Variants in ST8SIA6 observed in about 807,000 individuals in gnomAD.
The protein encoded by ST8SIA6 is ST8 alpha-N-acetyl-neuraminide alpha-2,8-sialyltransferase 6, also known as alpha-2,8-sialyltransferase 8F.
ST8SIA6 carries 39 observed loss-of-function variants against 33.6 expected under a neutral mutation model. The ratio of observed to expected loss-of-function variants is 1.16; its 90% CI spans 0.90 to 1.52. The LOEUF is 1.52. Ranked by LOEUF, ST8SIA6 falls within the 40% of genes most tolerant of loss-of-function variation. The pLI is 0.00. For synonymous variants in ST8SIA6, 172 were observed against 167.2 expected (o/e 1.03, Z -0.22); for missense variants, 441 against 443.8 (o/e 0.99, Z 0.06).
At chr10:17,405,187 T>G (rs953126708) in intron 2 of ST8SIA6, among the ~76,000 whole-genome samples, 16 of 151,938 alleles carry the variant, frequency 1.1e-4, no homozygotes, top group Admixed American at 9.2e-4. Context: ...TGAGCAAAAT[T>G]TCAAGAACTC....
At chr10:17,327,312 C>T (rs935442033) in intron 5 of ST8SIA6, among the ~76,000 whole-genome samples, 186 bp from the exon 6 acceptor site, 4 of 152,124 alleles carry the variant, frequency 2.6e-5, no homozygotes, top group Non-Finnish European at 4.4e-5. Flanking sequence ...TGGGGCTGGG[C>T]GCAGTGGCTC....
At chr10:17,366,514 T>C (rs1343516427) in intron 3 of ST8SIA6, among the ~76,000 whole-genome samples, 4 of 152,090 alleles carry the variant, frequency 2.6e-5, no homozygotes, top group Admixed American at 1.3e-4. Flanking sequence ...ATTAAGTATA[T>C]ACTTAAGATG....
chr10:17,399,028 T>C (rs1850931146), intron 2 of ST8SIA6: 1 of 152,234 alleles, frequency 6.6e-6, no homozygotes, highest in Non-Finnish European at 1.5e-5. Context: ...AATTAACAAA[T>C]TAATATTCTG....
chr10:17,415,711 G>A (rs1332541412), intron 2 of ST8SIA6, among the ~76,000 whole-genome samples: 1 of 151,650 alleles, frequency 6.6e-6, no homozygotes, highest in African/African-American at 2.4e-5. Context: ...CAGACATGCA[G>A]AGTGGAAAGA....
At chr10:17,344,591 G>T (rs1179192959) in intron 4 of ST8SIA6, among the ~76,000 whole-genome samples, 1 of 152,226 alleles carries the variant, frequency 6.6e-6, no homozygotes, top group Non-Finnish European at 1.5e-5. Flanking sequence ...TATAATTCAA[G>T]ATGAGATTTG....
chr10:17,373,021 AC>A (rs1239100193), intron 3 of ST8SIA6, among the ~76,000 whole-genome samples: 1 of 152,220 alleles, frequency 6.6e-6, no homozygotes, highest in Non-Finnish European at 1.5e-5. Flanking sequence ...GATCGAGGGT[AC>A]AGGGCATCCA....
Position 17,327,048 on chromosome 10 carries a change from C to T in ST8SIA6, c.601G>A (p.Gly201Arg). 1 of 1,608,134 alleles carries T rather than the reference C, an allele frequency of 6.2e-7. No homozygotes were observed. The highest frequency in any genetic ancestry group is 8.5e-7 in the Non-Finnish European group (1 of 1,177,658). ...NGGILNKSLCGTEIDKSDFVF... is the reference protein window; with the variant it reads ...NGGILNKSLCRTEIDKSDFVF... ...AAGTCGGATTTATCTATTTCAGTTC[C>T]ACAGAGAGACTTATTCAGAATTCCC... is the stretch of plus-strand genomic sequence containing the variant. The change falls in exon 6 of 8, where the codon GGA becomes AGA. Residue 201 changes from glycine (G) to arginine (R), a missense_variant. Gly to Arg is a moderately radical substitution (Grantham distance 125). Coordinates refer to ENST00000377602, the MANE Select transcript of ST8SIA6 (RefSeq NM_001004470.3).
intron 2 of ST8SIA6, among the ~76,000 whole-genome samples, chr10:17,441,526 C>T (rs1852493393): frequency 6.6e-6 from 1 of 151,958 alleles, no homozygotes; most frequent in Non-Finnish European, 1.5e-5. Flanking sequence ...TTAGGCTGCT[C>T]GCGAACTCCT....
intron 3 of ST8SIA6, among the ~76,000 whole-genome samples, chr10:17,388,822 A>G (rs1850476642): frequency 6.6e-6 from 1 of 152,178 alleles, no homozygotes. Flanking sequence ...CGCTTTCCTG[A>G]AAGGACCCCC....
chr10:17,432,708 C>T (rs559426255), intron 2 of ST8SIA6, among the ~76,000 whole-genome samples: 2 of 152,264 alleles, frequency 1.3e-5, no homozygotes, highest in South Asian at 4.1e-4. Flanking sequence ...GGCCTGAGGA[C>T]TCCGTACTTC....
In ST8SIA6 at chr10:17,317,030, C is replaced by T. The variant is rs1021580542; in HGVS notation, c.*3848G>A. On this transcript the variant is annotated 3_prime_UTR_variant, in exon 8 of 8. Coordinates refer to ENST00000377602, the MANE Select transcript of ST8SIA6 (RefSeq NM_001004470.3). ...CATGTTGAAGAAGTACAGTTCCTCA[C>T]CTGTATCTCAAACATAATTCTCCTA... Among the ~76,000 whole-genome samples the T allele has an allele frequency of 2.6e-5, 4 of 152,162 alleles. No individual in the cohort carries two copies. Among genetic ancestry groups the T allele is most frequent in the South Asian group, 4.1e-4 (2 of 4,828 alleles).
At chr10:17,392,598 G>A (rs1364566489) in intron 2 of ST8SIA6, among the ~76,000 whole-genome samples, 2 of 152,202 alleles carry the variant, frequency 1.3e-5, no homozygotes. Context: ...AAGATAATAG[G>A]ATTCAAGGTT....
intron 2 of ST8SIA6, among the ~76,000 whole-genome samples, chr10:17,439,608 A>C (rs961206505): frequency 5.3e-5 from 8 of 152,154 alleles, no homozygotes; most frequent in Admixed American, 4.6e-4. Flanking sequence ...GAAACTGCCA[A>C]ACTCTTTTCC....
chr10:17,354,984 C>A (rs2131612455), intron 4 of ST8SIA6, among the ~76,000 whole-genome samples: 1 of 152,248 alleles, frequency 6.6e-6, no homozygotes, highest in East Asian at 1.9e-4. Context: ...CTGCCAAGTT[C>A]TCAGACCCAC....
chr10:17,368,358 G>A, intron 3 of ST8SIA6, among the ~76,000 whole-genome samples: 1 of 133,342 alleles, frequency 7.5e-6, no homozygotes, highest in Admixed American at 9.0e-5. Flanking sequence ...AGTGAGCTGA[G>A]ATCGCACCAT....
intron 2 of ST8SIA6, among the ~76,000 whole-genome samples, chr10:17,446,025 A>G (rs1852693314): frequency 6.7e-6 from 1 of 149,354 alleles, no homozygotes; most frequent in Non-Finnish European, 1.5e-5. Flanking sequence ...TGTTATGTGT[A>G]TTTTATCACA....
rs567749348 is a variant in ST8SIA6, at chr10:17,339,564, A to C, written c.378-8012T>G. Among the ~76,000 whole-genome samples, 4 of 152,332 alleles carry C rather than the reference A, an allele frequency of 2.6e-5. No homozygotes were observed. In the East Asian group the frequency reaches 7.7e-4, roughly 29 times the overall value. On this transcript the variant is annotated intron_variant, in intron 4 of 7. Coordinates refer to ENST00000377602, the MANE Select transcript of ST8SIA6 (RefSeq NM_001004470.3). ...GCCACATTTCTTTTTCTTCACGAAA[A>C]TATAACATACATAGGCCAACAATCC... is the stretch of plus-strand genomic sequence containing the variant.
In ST8SIA6 at chr10:17,319,944, A is replaced by T. The variant is rs1250111863; in HGVS notation, c.*934T>A. 1 of 152,156 alleles carries T rather than the reference A, an allele frequency of 6.6e-6. No homozygotes were observed. Among genetic ancestry groups the T allele is most frequent in the East Asian group, 1.9e-4 (1 of 5,198 alleles). The allele number at this position is 152,156 out of a possible 1,614,324, so 9.4% of individuals were successfully genotyped here. ...TTCTGTTCCTTGTAGCACTTTATTC[A>T]TAGCTTTTGTCATTGTAATACTTAT... On this transcript the variant is annotated 3_prime_UTR_variant, in exon 8 of 8. Transcript: ENST00000377602.
rs116167507 is a variant in ST8SIA6, at chr10:17,316,327, T to C, written c.*4551A>G. Among the ~76,000 whole-genome samples, 294 of 152,226 alleles carry C rather than the reference T, an allele frequency of 1.9e-3. 3 individuals carry two copies. The highest frequency in any genetic ancestry group is 6.6e-3 in the African/African-American group (275 of 41,578). On this transcript the variant is annotated 3_prime_UTR_variant, in exon 8 of 8. Coordinates refer to ENST00000377602, the MANE Select transcript of ST8SIA6 (RefSeq NM_001004470.3). ...AAGGACATACCCTTATTTCTGTATA[T>C]ATGTCCAGTAAGTTGCTTCTAACTG...
Sources: allele counts gnomAD v4.1 joint callset (sites outside exome capture counted in the v4.1 genomes callset), GRCh38; gene constraint gnomAD v4.1.1; transcripts MANE v1.5; gene names NCBI Gene and HGNC (gene_info 2026-07-23, HGNC 2026-07-21).